Variants in MOSMO observed in about 807,000 individuals in gnomAD.
MOSMO encodes modulator of smoothened.
In MOSMO, 5 loss-of-function variants were observed where a neutral mutation model predicts 18.4. The observed-to-expected ratio is 0.27, with a 90% CI of 0.14 to 0.57. The LOEUF (loss-of-function observed/expected upper bound fraction) is 0.57. MOSMO is among the 20% of genes least tolerant of loss of function. The pLI is 0.92. For missense variants in MOSMO, 138 were observed against 211.8 expected (o/e 0.65, Z 2.16); for synonymous variants, 82 against 82.3 (o/e 1.00, Z 0.02).
At chr16:22,067,749 C>T (rs1160857051) in intron 1 of MOSMO, among the ~76,000 whole-genome samples, 4 of 152,046 alleles carry the variant, frequency 2.6e-5, no homozygotes, top group Non-Finnish European at 5.9e-5. Flanking sequence ...CGTGGTGGCA[C>T]ATGCCTGTAA....
chr16:22,035,140 G>T (rs1900082416), intron 1 of MOSMO, among the ~76,000 whole-genome samples: 1 of 152,082 alleles, frequency 6.6e-6, no homozygotes, highest in Non-Finnish European at 1.5e-5. Flanking sequence ...CATGGGGAGG[G>T]GAAGAGTTCT....
chr16:22,036,307 G>A (rs912083094), intron 1 of MOSMO, among the ~76,000 whole-genome samples: 1 of 151,854 alleles, frequency 6.6e-6, no homozygotes, highest in African/African-American at 2.4e-5. Context: ...TTGTATTTTT[G>A]TGGAGACAGG....
rs528330911 is a variant in MOSMO, at chr16:22,020,110, G to A, written c.106+11703G>A. 7.0e-3 allele frequency among the ~76,000 whole-genome samples: 1,053 copies of A among 150,814 alleles called. 8 individuals carry two copies. Among genetic ancestry groups the A allele is most frequent in the Middle Eastern group, 0.014 (4 of 292 alleles). ...TGCCTGTAATCCCAGCTACTCAGGA[G>A]GCTGAGGCAGGAGAATCGCTTGAAC... On this transcript the variant is annotated intron_variant, in intron 1 of 2. Coordinates refer to ENST00000542527, the MANE Select transcript of MOSMO (RefSeq NM_001164579.2).
intron 1 of MOSMO, among the ~76,000 whole-genome samples, chr16:22,048,048 A>G (rs1900349152): frequency 6.6e-6 from 1 of 152,236 alleles, no homozygotes; most frequent in Non-Finnish European, 1.5e-5. Context: ...CTAAAGGCAC[A>G]TCAGAACTGA....
In MOSMO at chr16:22,016,305, G is replaced by A. The variant is rs151041449; in HGVS notation, c.106+7898G>A. Among the ~76,000 whole-genome samples the A allele has an allele frequency of 5.3e-3, 802 of 152,316 alleles. 11 individuals are homozygous for A. The highest frequency in any genetic ancestry group is 8.6e-3 in the Non-Finnish European group (586 of 68,022). Reference sequence around the variant, plus strand: ...ATAAAATGTGGCATATAAGAGATTAGCACATTGTCCGATACTTAGTAAATG... The same window carrying A: ...ATAAAATGTGGCATATAAGAGATTAACACATTGTCCGATACTTAGTAAATG... On this transcript the variant is annotated intron_variant, in intron 1 of 2. Coordinates refer to ENST00000542527, the MANE Select transcript of MOSMO (RefSeq NM_001164579.2).
chr16:22,077,626 C>T (rs1900995342), intron 2 of MOSMO, among the ~76,000 whole-genome samples: 1 of 152,030 alleles, frequency 6.6e-6, no homozygotes, highest in South Asian at 2.1e-4. Flanking sequence ...TTCTACTGTT[C>T]TGTATCTTGG....
intron 1 of MOSMO, among the ~76,000 whole-genome samples, chr16:22,067,655 T>C (rs1439743984): frequency 1.3e-5 from 2 of 151,864 alleles, no homozygotes; most frequent in East Asian, 3.9e-4. Context: ...AGGTCAGGAG[T>C]TTGAGACCAG....
chr16:22,091,256 G>C (rs575016844), downstream of MOSMO, among the ~76,000 whole-genome samples: 3 of 152,172 alleles, frequency 2.0e-5, no homozygotes, highest in African/African-American at 7.2e-5. Flanking sequence ...CTCAACCCCA[G>C]TGACCAGTGG....
chr16:22,049,857 T>C (rs1457826247), intron 1 of MOSMO, among the ~76,000 whole-genome samples: 1 of 152,218 alleles, frequency 6.6e-6, no homozygotes, highest in Non-Finnish European at 1.5e-5. Context: ...AATCCATTCT[T>C]TCCTCTGATT....
At chr16:22,065,556 C>T (rs770738007) in intron 1 of MOSMO, among the ~76,000 whole-genome samples, 1 of 152,172 alleles carries the variant, frequency 6.6e-6, no homozygotes, top group Middle Eastern at 3.4e-3. Context: ...TGTTGGAATG[C>T]AAGTTTCATG....
intron 1 of MOSMO, among the ~76,000 whole-genome samples, chr16:22,069,198 GT>G (rs1900800922): frequency 1.3e-5 from 2 of 152,298 alleles, no homozygotes; most frequent in East Asian, 3.9e-4. Flanking sequence ...GGAATTTCTA[GT>G]CATAGGTACT....
At chr16:22,020,547 G>A (rs554473048) in intron 1 of MOSMO, among the ~76,000 whole-genome samples, 25 of 151,960 alleles carry the variant, frequency 1.6e-4, no homozygotes, top group African/African-American at 6.0e-4. Context: ...CACCCGCATC[G>A]GCCTCCCAAA....
chr16:22,033,164 G>A (rs1470200597), intron 1 of MOSMO, among the ~76,000 whole-genome samples: 1 of 152,060 alleles, frequency 6.6e-6, no homozygotes, highest in East Asian at 1.9e-4. Flanking sequence ...TGGCTATTCT[G>A]AGTCCCTTGC....
At chr16:22,030,788 CA>C (rs766463936) in intron 1 of MOSMO, among the ~76,000 whole-genome samples, 2 of 152,200 alleles carry the variant, frequency 1.3e-5, no homozygotes, top group Non-Finnish European at 2.9e-5. Context: ...CTTGGCCTCC[CA>C]AAGTGCTGGG....
intron 1 of MOSMO, among the ~76,000 whole-genome samples, chr16:22,020,950 T>G (rs113258543): frequency 6.6e-6 from 1 of 152,078 alleles, no homozygotes; most frequent in Admixed American, 6.6e-5. Flanking sequence ...ATTGTATGTG[T>G]AAGAGGTTTC....
chr16:22,056,261 A>G (rs898297266), intron 1 of MOSMO, among the ~76,000 whole-genome samples: 3 of 151,700 alleles, frequency 2.0e-5, no homozygotes, highest in African/African-American at 4.8e-5. Flanking sequence ...ATTCTAGGAC[A>G]TCTGCCACTG....
chr16:22,035,732 C>G (rs1268825657), intron 1 of MOSMO, among the ~76,000 whole-genome samples: 1 of 152,106 alleles, frequency 6.6e-6, no homozygotes, highest in Admixed American at 6.6e-5. Flanking sequence ...TGATTTTGTT[C>G]AGCATTTTTC....
chr16:22,074,620 T>C (rs1173451433), intron 1 of MOSMO, among the ~76,000 whole-genome samples: 2 of 152,240 alleles, frequency 1.3e-5, no homozygotes, highest in East Asian at 3.8e-4. Context: ...ACCTTTCTAA[T>C]CTAAGTTTTT....
At chr16:22,021,064 G>A (rs1597997805) in intron 1 of MOSMO, among the ~76,000 whole-genome samples, 1 of 152,190 alleles carries the variant, frequency 6.6e-6, no homozygotes, top group East Asian at 1.9e-4. Context: ...TGTGGTGGGG[G>A]TGGGTAGGGG....
Sources: allele counts gnomAD v4.1 joint callset (sites outside exome capture counted in the v4.1 genomes callset), GRCh38; gene constraint gnomAD v4.1.1; transcripts MANE v1.5; gene names NCBI Gene and HGNC (gene_info 2026-07-23, HGNC 2026-07-21).